Variants in TBC1D31 observed in about 807,000 individuals in gnomAD.
TBC1D31 encodes WD repeat domain 67.
TBC1D31 carries 99 observed loss-of-function variants against 132.9 expected under a neutral mutation model. The ratio of observed to expected loss-of-function variants is 0.74; its 90% CI spans 0.63 to 0.88. The LOEUF is 0.88. Among genes scored for constraint, TBC1D31 ranks in the 40% least tolerant of loss-of-function variants. The probability of loss-of-function intolerance (pLI) is 0.00; values close to 1 mark genes in which losing one functional copy is unlikely to be tolerated. For synonymous variants in TBC1D31, 385 were observed against 419.4 expected (o/e 0.92, Z 1.00); for missense variants, 1,134 against 1,256.6 (o/e 0.90, Z 1.48).
intron 1 of TBC1D31, chr8:123,075,179 A>G (rs1814370534): frequency 6.6e-6 from 1 of 152,186 alleles, no homozygotes; most frequent in African/African-American, 2.4e-5. Context: ...CTCTGAGTTT[A>G]GTTGCCATGA....
At chr8:123,157,149 C>T (rs1000622425), downstream of TBC1D31, among the ~76,000 whole-genome samples, 1 of 151,802 alleles carries the variant, frequency 6.6e-6, no homozygotes, top group Non-Finnish European at 1.5e-5. Context: ...TGTCTTTTCC[C>T]CTTGTTGTCA....
At chr8:123,143,728 T>C (rs1321379742) in intron 19 of TBC1D31, among the ~76,000 whole-genome samples, 1 of 152,192 alleles carries the variant, frequency 6.6e-6, no homozygotes, top group Non-Finnish European at 1.5e-5. Context: ...AAAGAAGGGC[T>C]TGGAGAGGGT....
chr8:123,117,090 G>A (rs541656690), intron 10 of TBC1D31, among the ~76,000 whole-genome samples: 167 of 152,218 alleles, frequency 1.1e-3, no homozygotes, highest in African/African-American at 3.7e-3. Context: ...CAAGACGGGT[G>A]GATCACCTGA....
intron 4 of TBC1D31, among the ~76,000 whole-genome samples, chr8:123,092,557 A>G (rs1229821073): frequency 6.6e-6 from 1 of 152,184 alleles, no homozygotes; most frequent in African/African-American, 2.4e-5. Flanking sequence ...GGGAAAAGAC[A>G]CTGTCATACA....
At chr8:123,151,734 T>C (rs1205537419) in intron 21 of TBC1D31, 72 bp from the exon 22 acceptor site, 5 of 1,399,330 alleles carry the variant, frequency 3.6e-6, no homozygotes, top group Non-Finnish European at 4.7e-6. Context: ...ACATTTATCT[T>C]TAAAATAAAT....
chr8:123,149,543 G>T (rs996523009), intron 20 of TBC1D31, among the ~76,000 whole-genome samples: 3 of 152,192 alleles, frequency 2.0e-5, no homozygotes, highest in Admixed American at 2.0e-4. Flanking sequence ...GAGGGTGAGT[G>T]TAAGTTTTGA....
intron 21 of TBC1D31, among the ~76,000 whole-genome samples, chr8:123,151,167 G>A (rs553014319): frequency 7.6e-6 from 1 of 131,360 alleles, no homozygotes; most frequent in East Asian, 2.0e-4. Context: ...ACAAAAGCAT[G>A]AAAGTTGTAT....
intron 2 of TBC1D31, among the ~76,000 whole-genome samples, chr8:123,077,782 A>G (rs13262815): frequency 0.7 from 106,568 of 152,040 alleles, 37,704 homozygotes; most frequent in African/African-American, 0.78. Flanking sequence ...GGGTGTGGTG[A>G]CTCAGGCCTG....
chr8:123,107,716 T>C (rs1157238328), intron 8 of TBC1D31, among the ~76,000 whole-genome samples: 1 of 152,154 alleles, frequency 6.6e-6, no homozygotes, highest in Non-Finnish European at 1.5e-5. Context: ...GTAGTGTGGA[T>C]CCAATGTGGA....
At chr8:123,098,606 T>G (rs1817062426) in intron 6 of TBC1D31, among the ~76,000 whole-genome samples, 1 of 152,250 alleles carries the variant, frequency 6.6e-6, no homozygotes, top group African/African-American at 2.4e-5. Context: ...ATTCTTAAGT[T>G]GGAAATTGTT....
chr8:123,090,896 C>T (rs556899400), intron 4 of TBC1D31, among the ~76,000 whole-genome samples: 6 of 152,124 alleles, frequency 3.9e-5, no homozygotes, highest in South Asian at 2.1e-4. Flanking sequence ...GCCAAGATCA[C>T]GCCACTGCAC....
chr8:123,133,885 CAT>C (rs1464822841), intron 16 of TBC1D31, among the ~76,000 whole-genome samples: 10 of 152,078 alleles, frequency 6.6e-5, no homozygotes, highest in African/African-American at 2.2e-4. Context: ...AGTAGATGGG[CAT>C]ATGGTATTGT....
In TBC1D31 at chr8:123,105,260, A is replaced by G. The variant is rs780668741; in HGVS notation, c.1033-28A>G. The G allele has an allele frequency of 6.3e-6, 9 of 1,431,384 alleles. No individual in the cohort carries two copies. In the Admixed American group the frequency reaches 2.0e-4, roughly 32 times the overall value. 88.7% of individuals were successfully genotyped at this position (1,431,384 alleles called of 1,614,324 possible). On this transcript the variant is annotated intron_variant, in intron 7 of 21. Transcript: ENST00000287380. ...CTGTCTTCCAAGGATATCCATTAGAATATATATATATTTATTTTTCCATTT... is the reference window on the plus strand; with the variant it reads ...CTGTCTTCCAAGGATATCCATTAGAGTATATATATATTTATTTTTCCATTT...
chr8:123,087,701 C>T (rs1365070678), intron 4 of TBC1D31, among the ~76,000 whole-genome samples: 11 of 152,286 alleles, frequency 7.2e-5, no homozygotes, highest in South Asian at 6.2e-4. Flanking sequence ...AATGAGTATA[C>T]GCTGAATAGT....
At position 123,152,023 on chromosome 8, in the gene TBC1D31, C is replaced by A; in HGVS notation, c.*84C>A. ...ATTTTTAGATTATTTATTTAAAATT[C>A]CTATAAAGATCAGCCCTTTGTACAG... is the stretch of plus-strand genomic sequence containing the variant. On this transcript the variant is annotated 3_prime_UTR_variant, in exon 22 of 22. Coordinates refer to ENST00000287380, the MANE Select transcript of TBC1D31 (RefSeq NM_145647.4). The A allele has an allele frequency of 7.9e-7, 1 of 1,265,816 alleles. No individual in the cohort carries two copies. The highest frequency in any genetic ancestry group is 2.6e-5 in the South Asian group (1 of 38,320). The allele number at this position is 1,265,816 out of a possible 1,614,324, so 78.4% of individuals were successfully genotyped here. A position where few individuals can be genotyped will look rare whatever the true frequency, so the allele number is the denominator to read the frequency against.
chr8:123,109,805 G>C (rs1818278916), intron 10 of TBC1D31, among the ~76,000 whole-genome samples, 185 bp downstream of exon 10: 1 of 152,182 alleles, frequency 6.6e-6, no homozygotes, highest in African/African-American at 2.4e-5. Flanking sequence ...TTGTGTTCTA[G>C]AAAATAGGAC....
chr8:123,130,848 G>C (rs1002082255), intron 16 of TBC1D31, among the ~76,000 whole-genome samples: 1 of 151,318 alleles, frequency 6.6e-6, no homozygotes, highest in African/African-American at 2.4e-5. Context: ...TCTCAAACTC[G>C]TGACCTCAGG....
At chr8:123,073,444 T>C (rs947479936) in intron 1 of TBC1D31, 4 of 455,622 alleles carry the variant, frequency 8.8e-6, no homozygotes, top group African/African-American at 2.0e-5. Context: ...ATGTAGGGGC[T>C]GGGGCGTTCA....
At chr8:123,122,712 A>G (rs896087372) in intron 11 of TBC1D31, among the ~76,000 whole-genome samples, 5 of 152,244 alleles carry the variant, frequency 3.3e-5, no homozygotes, top group Non-Finnish European at 5.9e-5. Context: ...CTATTTTACT[A>G]TAATTAATAA....
Sources: gnomAD v4.1 joint callset for allele counts (sites outside exome capture counted in the v4.1 genomes callset) on GRCh38, gnomAD v4.1.1 for gene constraint, MANE v1.5 for transcripts, NCBI Gene and HGNC (gene_info 2026-07-23, HGNC 2026-07-21) for gene names.